Variants in MCM5 observed in about 807,000 individuals in gnomAD.
The protein encoded by MCM5 is DNA replication licensing factor MCM5.
MCM5 carries 46 observed loss-of-function variants against 79.9 expected under a neutral mutation model. The observed-to-expected ratio is 0.58, with a 90% confidence interval of 0.45 to 0.74. The LOEUF (loss-of-function observed/expected upper bound fraction) is 0.74, where lower values mean the gene tolerates loss of function less well. MCM5 is among the 30% of genes least tolerant of loss of function. The probability of loss-of-function intolerance (pLI) is 0.00; values close to 1 mark genes in which losing one functional copy is unlikely to be tolerated. For synonymous variants in MCM5, 404 were observed against 390.5 expected, an observed-to-expected ratio of 1.03 and a Z score of -0.41; for missense variants, 883 against 1,017.0, an observed-to-expected ratio of 0.87 and a Z score of 1.79.
chr22:35,454,778 G>C, the MCM5 span, among the ~76,000 whole-genome samples: 2 of 152,032 alleles, frequency 1.3e-5, no homozygotes, highest in Non-Finnish European at 2.9e-5. Context: ...CTGGCTTCTC[G>C]GCCTCTGCAC....
intron 16 of MCM5, 117 bp downstream of exon 16, chr22:35,423,458 T>G: frequency 8.5e-7 from 1 of 1,172,520 alleles, no homozygotes; most frequent in Non-Finnish European, 1.2e-6. Context: ...GGGGGTAGGA[T>G]GGACAACTGT....
At chr22:35,440,712 C>CT in the MCM5 span, among the ~76,000 whole-genome samples, 21 of 152,258 alleles carry the variant, frequency 1.4e-4, no homozygotes. Flanking sequence ...AGGGGCTGGT[C>CT]TGGAGGCAGG....
the MCM5 span, among the ~76,000 whole-genome samples, chr22:35,452,838 A>C: frequency 6.6e-6 from 1 of 152,092 alleles, no homozygotes; most frequent in African/African-American, 2.4e-5. Context: ...CAGCCCTGAG[A>C]GAGAGGGACA....
rs373130534 is a variant in MCM5, at chr22:35,417,853, G to A, written c.1700G>A (p.Arg567Gln). 1.7e-5 allele frequency: 27 copies of A among 1,612,984 alleles called. No individual in the cohort carries two copies. The highest frequency in any genetic ancestry group is 1.6e-4 in the Middle Eastern group (1 of 6,076). The change falls in exon 13 of 17, where the codon CGA (arginine) becomes CAA (glutamine). Residue 567 changes from arginine to glutamine, a missense_variant. Transcript: ENST00000216122. Reference sequence around the variant, plus strand: ...CTGAAGAAGTTTATTGCCTACTGCCGAGTGTGAGTCCTGGACGCAGGCCCA... The same window carrying A: ...CTGAAGAAGTTTATTGCCTACTGCCAAGTGTGAGTCCTGGACGCAGGCCCA... The part of the protein sequence containing the change: ...AKLKKFIAYC[R>Q]VKCGPRLSAE...
chr22:35,437,969 G>T, the MCM5 span, among the ~76,000 whole-genome samples: 2 of 152,132 alleles, frequency 1.3e-5, no homozygotes, highest in Non-Finnish European at 2.9e-5. Context: ...CAGCAAGTTA[G>T]TGGTAATGTT....
At chr22:35,443,149 G>A in the MCM5 span, among the ~76,000 whole-genome samples, 408 of 152,236 alleles carry the variant, frequency 2.7e-3, 8 homozygotes, top group African/African-American at 9.5e-3. Flanking sequence ...TCATTCGATT[G>A]CCACATGAGC....
chr22:35,433,403 A>G, the MCM5 span, among the ~76,000 whole-genome samples: 1 of 152,238 alleles, frequency 6.6e-6, no homozygotes, highest in Non-Finnish European at 1.5e-5. Flanking sequence ...AACCTCTCTG[A>G]CCACAGCTCA....
At chr22:35,432,171 C>T in the MCM5 span, among the ~76,000 whole-genome samples, 14 of 152,244 alleles carry the variant, frequency 9.2e-5, no homozygotes, top group East Asian at 7.7e-4. Context: ...CACAGGTTTC[C>T]GGGACACTGG....
chr22:35,443,598 C>T, the MCM5 span, among the ~76,000 whole-genome samples: 1 of 152,220 alleles, frequency 6.6e-6, no homozygotes, highest in Non-Finnish European at 1.5e-5. Context: ...CTGCTCACAC[C>T]CTTGGGCTGT....
intron 9 of MCM5, among the ~76,000 whole-genome samples, chr22:35,414,428 T>C (rs755512661): frequency 1.2e-4 from 19 of 152,240 alleles, no homozygotes; most frequent in Non-Finnish European, 2.4e-4. Context: ...GAGACCAGCC[T>C]GGACAACATG....
At chr22:35,418,987 G>T (rs995437759) in intron 13 of MCM5, among the ~76,000 whole-genome samples, 7 of 152,150 alleles carry the variant, frequency 4.6e-5, no homozygotes, top group African/African-American at 1.7e-4. Context: ...ACAGCGCTTT[G>T]GTGATCTTTT....
rs1193517841 is a variant in MCM5, at chr22:35,406,584, C to T, written c.455C>T (p.Pro152Leu). The T allele has an allele frequency of 2.5e-6, 4 of 1,613,838 alleles. No individual in the cohort carries two copies. Among genetic ancestry groups the T allele is most frequent in the East Asian group, 2.2e-5 (1 of 44,896 alleles). The change falls in exon 5 of 17, where the codon CCT becomes CTT. Residue 152 changes from proline to leucine, a missense_variant. Pro to Leu is a moderately conservative substitution (Grantham distance 98). Transcript: ENST00000216122. ...SDMMSHLVKIPGIIIAASAVR... is the reference protein window; with the variant it reads ...SDMMSHLVKILGIIIAASAVR... ...ATGATGTCACACCTGGTGAAGATCC[C>T]TGGCATCATCATCGCGGCCTCTGCG...
the MCM5 span, among the ~76,000 whole-genome samples, chr22:35,451,994 C>T: frequency 0.2 from 30,524 of 152,106 alleles, 3,463 homozygotes; most frequent in African/African-American, 0.31. Flanking sequence ...GGGTCTTAGA[C>T]GCACCTGGGC....
At chr22:35,445,762 T>G in the MCM5 span, among the ~76,000 whole-genome samples, 1 of 152,090 alleles carries the variant, frequency 6.6e-6, no homozygotes, top group Non-Finnish European at 1.5e-5. Flanking sequence ...CGGCCCTCCT[T>G]GGCCTCCAAA....
intron 14 of MCM5, 140 bp from the exon 15 acceptor site, chr22:35,421,178 G>T: frequency 2.9e-6 from 2 of 681,208 alleles, no homozygotes; most frequent in Non-Finnish European, 4.7e-6. Flanking sequence ...AAGATCAAAA[G>T]GGAGATGGAT....
At chr22:35,415,142 T>C (rs567822814) in intron 9 of MCM5, among the ~76,000 whole-genome samples, 110 of 152,300 alleles carry the variant, frequency 7.2e-4, no homozygotes, top group African/African-American at 2.5e-3. Flanking sequence ...GAGGATCACT[T>C]GAGCCCAGGA....
chr22:35,447,285 G>T, the MCM5 span, among the ~76,000 whole-genome samples: 1 of 152,262 alleles, frequency 6.6e-6, no homozygotes, highest in Non-Finnish European at 1.5e-5. Flanking sequence ...CGGGTTTGGG[G>T]GTTCCCAGCC....
At chr22:35,415,712 TGCA>T in intron 9 of MCM5, 114 bp from the exon 10 acceptor site, 2 of 1,174,012 alleles carry the variant, frequency 1.7e-6, no homozygotes, top group Admixed American at 4.0e-5. Context: ...TTCTGTACCC[TGCA>T]GCCAGCTTTG....
rs931540382 is a variant in MCM5, at chr22:35,408,558, C to T, written c.747C>T (p.Cys249=). ...GEMPRHMQLY[C]DRYLCDKVVP... is the part of the protein sequence containing the mutation. ...TGCCCAGACACATGCAGCTCTACTG[C>T]GACAGGTGAGGCAGACGGGCTGGGA... Residue 249 remains cysteine (C), a synonymous_variant, in exon 6 of 17, where the codon TGC becomes TGT. Transcript: ENST00000216122. 7.5e-6 allele frequency: 12 copies of T among 1,606,490 alleles called. No individual in the cohort carries two copies. Among genetic ancestry groups the T allele is most frequent in the East Asian group, 2.2e-5 (1 of 44,628 alleles).
Sources: allele counts gnomAD v4.1 joint callset (sites outside exome capture counted in the v4.1 genomes callset), GRCh38; gene constraint gnomAD v4.1.1; transcripts MANE v1.5; gene names NCBI Gene and HGNC (gene_info 2026-07-23, HGNC 2026-07-21).